Variants in THEMIS observed in about 807,000 individuals in gnomAD.
THEMIS encodes the protein thymocyte selection associated, also known as protein THEMIS.
In THEMIS, 37 loss-of-function variants were observed where a neutral mutation model predicts 52.6. The ratio of observed to expected loss-of-function variants is 0.70; its 90% CI spans 0.54 to 0.93. The LOEUF is 0.93. THEMIS is among the 40% of genes least tolerant of loss of function. The pLI, the probability that THEMIS is intolerant of heterozygous loss-of-function variation, is 0.00. For missense variants in THEMIS, 808 were observed against 763.1 expected, an observed-to-expected ratio of 1.06 and a Z score of -0.69; for synonymous variants, 292 against 272.7, an observed-to-expected ratio of 1.07 and a Z score of -0.70.
chr6:127,858,759 T>C (rs1422144875), intron 1 of THEMIS, among the ~76,000 whole-genome samples: 6 of 152,082 alleles, frequency 3.9e-5, no homozygotes, highest in Admixed American at 3.9e-4. Flanking sequence ...AATAAGCAAA[T>C]CTCGAATCTA....
At chr6:127,726,844 C>CT (rs1300160948) in intron 4 of THEMIS, among the ~76,000 whole-genome samples, 1 of 152,176 alleles carries the variant, frequency 6.6e-6, no homozygotes, top group African/African-American at 2.4e-5. Flanking sequence ...TCTTGCTACT[C>CT]TAACGTTCTG....
intron 4 of THEMIS, among the ~76,000 whole-genome samples, chr6:127,724,551 C>T (rs1386649215): frequency 6.6e-6 from 1 of 152,056 alleles, no homozygotes; most frequent in Non-Finnish European, 1.5e-5. Flanking sequence ...ATTTGAACTG[C>T]CATGCATCAG....
chr6:127,839,275 ATGAG>A (rs2114689653), intron 2 of THEMIS, among the ~76,000 whole-genome samples: 1 of 152,154 alleles, frequency 6.6e-6, no homozygotes, highest in South Asian at 2.1e-4. Context: ...AAGTAAATAA[ATGAG>A]TTAGTTATAA....
Position 127,813,270 on chromosome 6 carries a change from G to T in THEMIS, c.1371C>A (p.Phe457Leu). The part of the protein sequence containing the change: ...SELCKQFRLP[F>L]NVKVSVRDLS... ...GATCCCTGACAGACACCTTCACATT[G>T]AAGGGCAAACGGAACTGTTTACAGA... The change falls in exon 4 of 6, where the codon TTC (phenylalanine) becomes TTA (leucine). Residue 457 changes from phenylalanine (F) to leucine (L), a missense_variant. Coordinates refer to ENST00000368248, the MANE Select transcript of THEMIS (RefSeq NM_001010923.3). The T allele has an allele frequency of 6.2e-7, 1 of 1,614,076 alleles. No individual in the cohort carries two copies. Among genetic ancestry groups the T allele is most frequent in the Non-Finnish European group, 8.5e-7 (1 of 1,180,004 alleles).
intron 4 of THEMIS, among the ~76,000 whole-genome samples, chr6:127,740,356 A>C (rs1429520142): frequency 6.6e-6 from 1 of 152,186 alleles, no homozygotes; most frequent in African/African-American, 2.4e-5. Flanking sequence ...CTATGGCTGA[A>C]GTTACCCGTT....
downstream of THEMIS, among the ~76,000 whole-genome samples, chr6:127,704,765 C>T (rs979515128): frequency 1.3e-5 from 2 of 152,176 alleles, no homozygotes; most frequent in African/African-American, 2.4e-5. Flanking sequence ...CAATGAGTGA[C>T]TGATGAAGCA....
intron 4 of THEMIS, among the ~76,000 whole-genome samples, chr6:127,730,293 AAAGAAAAG>A (rs1330104391): frequency 6.9e-6 from 1 of 145,290 alleles, no homozygotes; most frequent in East Asian, 2.0e-4. Flanking sequence ...AAAGAAAAGA[AAAGAAAAG>A]AAAAGAAAAG....
At chr6:127,780,694 T>C (rs1253312595) in intron 4 of THEMIS, among the ~76,000 whole-genome samples, 1 of 152,222 alleles carries the variant, frequency 6.6e-6, no homozygotes, top group African/African-American at 2.4e-5. Flanking sequence ...GGTTGAAAAT[T>C]CTTTTCTTTA....
intron 5 of THEMIS, among the ~76,000 whole-genome samples, chr6:127,711,382 G>T (rs536465517): frequency 6.6e-6 from 1 of 152,086 alleles, no homozygotes; most frequent in African/African-American, 2.4e-5. Flanking sequence ...AAGGAAGAAA[G>T]GTAATGTCAA....
chr6:127,832,778 T>TTTTTTTTG (rs1778742742), intron 2 of THEMIS, among the ~76,000 whole-genome samples: 1 of 17,890 alleles, frequency 5.6e-5, no homozygotes, highest in Non-Finnish European at 1.2e-4. Flanking sequence ...TTGTCAGATC[T>TTTTTTTTG]TTTTTTTTTT....
At chr6:127,815,403 A>T (rs545623373) in intron 3 of THEMIS, among the ~76,000 whole-genome samples, 1 of 152,250 alleles carries the variant, frequency 6.6e-6, no homozygotes, top group South Asian at 2.1e-4. Flanking sequence ...TACTTTTAAT[A>T]TTATTAACTG....
intron 1 of THEMIS, among the ~76,000 whole-genome samples, chr6:127,918,024 A>C (rs1231514746): frequency 6.6e-6 from 1 of 152,218 alleles, no homozygotes; most frequent in Non-Finnish European, 1.5e-5. Flanking sequence ...TCCTCATTGC[A>C]AGGATAAGTA....
intron 4 of THEMIS, among the ~76,000 whole-genome samples, chr6:127,774,357 C>T (rs994816617): frequency 4.6e-5 from 7 of 152,176 alleles, no homozygotes; most frequent in African/African-American, 7.2e-5. Flanking sequence ...GGGCGCCAGC[C>T]ACCATGCCCA....
rs1028579574 is a variant in THEMIS, at chr6:127,709,619, C to A, written c.*366G>T. Reference sequence around the variant, plus strand: ...GGAAAAAAAAGAAAATATTTGGTGGCTTTTATCCTATTTCAGACTGGTTTT... The same window carrying A: ...GGAAAAAAAAGAAAATATTTGGTGGATTTTATCCTATTTCAGACTGGTTTT... On this transcript the variant is annotated 3_prime_UTR_variant, in exon 6 of 6. Transcript: ENST00000368248. The A allele has an allele frequency of 1.4e-4, 25 of 176,418 alleles. No individual in the cohort carries two copies. Among genetic ancestry groups the A allele is most frequent in the African/African-American group, 5.7e-4 (24 of 42,466 alleles). The allele number at this position is 176,418 out of a possible 1,614,324, so 10.9% of individuals were successfully genotyped here.
intron 1 of THEMIS, among the ~76,000 whole-genome samples, chr6:127,891,699 G>T (rs1472944875): frequency 1.3e-5 from 2 of 151,800 alleles, no homozygotes; most frequent in African/African-American, 2.4e-5. Flanking sequence ...TTCCACTTTT[G>T]CCTCACTAAT....
chr6:127,779,022 A>G (rs562707798), intron 4 of THEMIS, among the ~76,000 whole-genome samples: 1 of 152,232 alleles, frequency 6.6e-6, no homozygotes, highest in South Asian at 2.1e-4. Flanking sequence ...AGTTGTTACA[A>G]CATTATCTCT....
chr6:127,891,538 CAAAA>C (rs67886431), intron 1 of THEMIS, among the ~76,000 whole-genome samples: 3 of 96,834 alleles, frequency 3.1e-5, no homozygotes, highest in African/African-American at 3.9e-5. Flanking sequence ...TCCAGCTCAA[CAAAA>C]AAAAAAAAAA....
chr6:127,832,879 G>A (rs1778748122), intron 2 of THEMIS, among the ~76,000 whole-genome samples: 1 of 136,146 alleles, frequency 7.3e-6, no homozygotes, highest in African/African-American at 2.8e-5. Context: ...CGACTCCCAG[G>A]TTCAAGTGAT....
intron 1 of THEMIS, among the ~76,000 whole-genome samples, chr6:127,894,212 G>A (rs1562326275): frequency 6.6e-6 from 1 of 151,976 alleles, no homozygotes; most frequent in African/African-American, 2.4e-5. Flanking sequence ...AAAGAGAGGT[G>A]TTATAACAAA....
Sources: allele counts gnomAD v4.1 joint callset (sites outside exome capture counted in the v4.1 genomes callset), GRCh38; gene constraint gnomAD v4.1.1; transcripts MANE v1.5; gene names NCBI Gene and HGNC (gene_info 2026-07-23, HGNC 2026-07-21).